Variants in ADAMTS9 observed in about 807,000 individuals in gnomAD.
ADAMTS9 encodes the protein A disintegrin and metalloproteinase with thrombospondin motifs 9.
In ADAMTS9, 107 loss-of-function variants were observed where a neutral mutation model predicts 257.1. The ratio of observed to expected loss-of-function variants is 0.42; its 90% CI spans 0.36 to 0.49. The LOEUF is 0.49. ADAMTS9 is among the 20% of genes least tolerant of loss of function. The pLI, the probability that ADAMTS9 is intolerant of heterozygous loss-of-function variation, is 0.03. For synonymous variants in ADAMTS9, 982 were observed against 880.9 expected, an observed-to-expected ratio of 1.11 and a Z score of -2.03; for missense variants, 2,353 against 2,469.1, an observed-to-expected ratio of 0.95 and a Z score of 1.00.
Position 64,631,907 on chromosome 3 carries a change from C to G in ADAMTS9, c.2194G>C (p.Val732Leu), listed in dbSNP as rs749080601. The change falls in exon 15 of 40, where the codon GTT becomes CTT. Residue 732 changes from valine to leucine, a missense_variant. By Grantham distance (32) the Val-to-Leu change is conservative (BLOSUM62 1). Transcript: ENST00000498707. ...GLCRQAGCDH[V>L]LNSKARRDKC... Reference sequence around the variant, plus strand: ...TCTCTCCGGGCTTTTGAGTTTAAAACATGATCGCATCCAGCTTGCTTTTAA... The same window carrying G: ...TCTCTCCGGGCTTTTGAGTTTAAAAGATGATCGCATCCAGCTTGCTTTTAA... 6.2e-6 allele frequency: 10 copies of G among 1,613,718 alleles called. No homozygotes were observed. The highest frequency in any genetic ancestry group is 8.5e-6 in the Non-Finnish European group (10 of 1,179,770).
chr3:64,545,893 G>A (rs143483570), intron 32 of ADAMTS9, among the ~76,000 whole-genome samples: 1 of 152,144 alleles, frequency 6.6e-6, no homozygotes, highest in Admixed American at 6.5e-5. Flanking sequence ...ACCATGCCTG[G>A]CTGCCTGACA....
At position 64,621,228 on chromosome 3, in the gene ADAMTS9, C is replaced by T. The variant is rs766944266; in HGVS notation, c.2699G>A (p.Arg900Gln). ...AGATTCCCTGGTGCAAACAAGTTTT[C>T]GTTTCCGTTCCCCTAAGCAGAAAGG... Reference protein sequence around the residue: ...CSKPCQGERKRKLVCTRESDQ... With the variant: ...CSKPCQGERKQKLVCTRESDQ... The change falls in exon 19 of 40, where the codon CGA becomes CAA. Residue 900 changes from arginine (R) to glutamine (Q), a missense_variant. Physicochemically the swap from Arg to Gln is conservative, Grantham distance 43 (BLOSUM62 1). Around this residue, in one of 3 missense-constraint regions of ADAMTS9, gnomAD observed 1,402 missense variants for 1,441.4 expected, o/e 0.97. Transcript: ENST00000498707. The T allele has an allele frequency of 2.4e-5, 39 of 1,612,808 alleles. No homozygotes were observed. Among genetic ancestry groups the T allele is most frequent in the Middle Eastern group, 1.7e-4 (1 of 6,018 alleles).
intron 30 of ADAMTS9, among the ~76,000 whole-genome samples, chr3:64,558,547 C>T (rs1424144142): frequency 2.0e-5 from 3 of 152,226 alleles, no homozygotes; most frequent in African/African-American, 7.2e-5. Flanking sequence ...AGTATACAAC[C>T]TGTGTGGCTG....
intron 32 of ADAMTS9, among the ~76,000 whole-genome samples, chr3:64,542,928 G>C (rs949808592): frequency 1.6e-4 from 24 of 151,846 alleles, no homozygotes; most frequent in Non-Finnish European, 2.9e-5. Context: ...AAATGATAAA[G>C]GGAATATCAC....
At chr3:64,536,842 A>T in intron 37 of ADAMTS9, among the ~76,000 whole-genome samples, 1 of 152,214 alleles carries the variant, frequency 6.6e-6, no homozygotes, top group Non-Finnish European at 1.5e-5. Context: ...TATTCTGGTT[A>T]TGTTTCAAGA....
intron 28 of ADAMTS9, among the ~76,000 whole-genome samples, chr3:64,578,329 C>T (rs9842045): frequency 0.046 from 6,920 of 150,688 alleles, 514 homozygotes; most frequent in African/African-American, 0.16. Flanking sequence ...TATGAAAGGA[C>T]GGGATGAGCA....
chr3:64,675,533 C>T (rs1701604393), intron 3 of ADAMTS9, among the ~76,000 whole-genome samples: 1 of 152,058 alleles, frequency 6.6e-6, no homozygotes, highest in South Asian at 2.1e-4. Context: ...GTGTAAGGAT[C>T]CCATGAGCCC....
intron 30 of ADAMTS9, among the ~76,000 whole-genome samples, chr3:64,553,900 G>T (rs1253925577): frequency 6.6e-6 from 1 of 151,846 alleles, no homozygotes; most frequent in East Asian, 1.9e-4. Flanking sequence ...GAAAAAAAGT[G>T]TTTTTTTCAT....
chr3:64,595,550 C>T (rs1020315493), intron 27 of ADAMTS9, among the ~76,000 whole-genome samples: 5 of 152,208 alleles, frequency 3.3e-5, no homozygotes, highest in African/African-American at 4.8e-5. Context: ...TCACAGGCCC[C>T]ACAGGACAGA....
In ADAMTS9 at chr3:64,631,563, T is replaced by G; in HGVS notation, c.2294-13A>C. ...ACAGTATTGTAACCTGAAAAGAATT[T>G]AGCAGAAATTCAGTACTCCACAGAA... On this transcript the variant is annotated splice_polypyrimidine_tract_variant and intron_variant, in intron 15 of 39. Coordinates refer to ENST00000498707, the MANE Select transcript of ADAMTS9 (RefSeq NM_182920.2). 1 of 1,606,456 alleles carries G rather than the reference T, an allele frequency of 6.2e-7. No individual in the cohort carries two copies. The highest frequency in any genetic ancestry group is 8.5e-7 in the Non-Finnish European group (1 of 1,173,014).
Position 64,641,864 on chromosome 3 carries a change from C to G in ADAMTS9, c.1840G>C (p.Glu614Gln), listed in dbSNP as rs372423281. The change falls in exon 12 of 40, where the codon GAG (glutamate) becomes CAG (glutamine). Residue 614 changes from glutamate (E) to glutamine (Q), a missense_variant. By Grantham distance (29) the Glu-to-Gln change is conservative. This residue lies in a region of ADAMTS9 where 360 missense variants were observed against 458.1 expected (regional missense o/e 0.79). Transcript: ENST00000498707. Reference sequence around the variant, plus strand: ...AGGACTTACTCTGGTCTGTTGCACTCTCGAATGGCTGTTTTGATGCCCCCT... The same window carrying G: ...AGGACTTACTCTGGTCTGTTGCACTGTCGAATGGCTGTTTTGATGCCCCCT... ...CGGGIKTAIR[E>Q]CNRPEPKNGG... 2.1e-5 allele frequency: 34 copies of G among 1,614,008 alleles called. No homozygotes were observed. Among genetic ancestry groups the G allele is most frequent in the Middle Eastern group, 1.6e-4 (1 of 6,084 alleles).
At chr3:64,541,684 G>C (rs1455088838) in intron 33 of ADAMTS9, 64 bp from the exon 34 acceptor site, 1 of 1,557,198 alleles carries the variant, frequency 6.4e-7, no homozygotes, top group Non-Finnish European at 8.9e-7. Context: ...TCTGCCTATA[G>C]AATGAATGAC....
chr3:64,591,957 T>C (rs927108652), intron 28 of ADAMTS9, among the ~76,000 whole-genome samples: 5 of 152,150 alleles, frequency 3.3e-5, no homozygotes, highest in African/African-American at 7.2e-5. Flanking sequence ...TGAAGCACCA[T>C]GGAAGTGGCT....
intron 18 of ADAMTS9, among the ~76,000 whole-genome samples, chr3:64,621,793 T>TAAAAAAATA (rs371561807): frequency 7.1e-6 from 1 of 140,062 alleles, no homozygotes; most frequent in African/African-American, 2.7e-5. Context: ...AATAAAAAAA[T>TAAAAAAATA]AAAAAGAAAA....
chr3:64,540,277 A>G (rs2083103306), intron 36 of ADAMTS9, among the ~76,000 whole-genome samples: 1 of 152,242 alleles, frequency 6.6e-6, no homozygotes, highest in Admixed American at 6.5e-5. Context: ...ATCTCAAGAG[A>G]AAAGGAATGC....
chr3:64,547,864 T>C (rs2083223101), intron 31 of ADAMTS9, among the ~76,000 whole-genome samples: 1 of 152,182 alleles, frequency 6.6e-6, no homozygotes, highest in Non-Finnish European at 1.5e-5. Flanking sequence ...TAAGTTTTTT[T>C]TTTTATCATT....
intron 15 of ADAMTS9, 51 bp from the exon 16 acceptor site, chr3:64,631,601 T>C (rs1700369218): frequency 6.8e-7 from 1 of 1,480,564 alleles, no homozygotes; most frequent in African/African-American, 1.4e-5. Context: ...GTTCACTTTC[T>C]CTAAGTATGG....
At chr3:64,579,578 G>GT (rs1396007222) in intron 28 of ADAMTS9, among the ~76,000 whole-genome samples, 6 of 151,166 alleles carry the variant, frequency 4.0e-5, no homozygotes, top group Admixed American at 1.3e-4. Flanking sequence ...GTTTTTGTGT[G>GT]TTTTTTTTCA....
chr3:64,662,979 T>C lies in ADAMTS9; in HGVS notation c.680-4188A>G, dbSNP rs1271852884. ...ATGTGTATGAGGTGTATATGAAAGA[T>C]ATATGTTTAGACTTGGGTTCTATGC... is the stretch of plus-strand genomic sequence containing the variant. On this transcript the variant is annotated intron_variant, in intron 3 of 39. Transcript: ENST00000498707. Among the ~76,000 whole-genome samples the C allele has an allele frequency of 3.9e-5, 6 of 152,106 alleles. 1 individual carries two copies. Among genetic ancestry groups the C allele is most frequent in the Admixed American group, 1.3e-4 (2 of 15,264 alleles).
Sources: allele counts gnomAD v4.1 joint callset (sites outside exome capture counted in the v4.1 genomes callset), GRCh38; gene constraint gnomAD v4.1.1; regional missense constraint gnomAD v4.1.1; transcripts MANE v1.5; gene names NCBI Gene and HGNC (gene_info 2026-07-23, HGNC 2026-07-21).